Variants in BCL2 observed in about 807,000 individuals in gnomAD.
BCL2 encodes the protein apoptosis regulator Bcl-2.
BCL2 carries 1 observed loss-of-function variant against 14.2 expected under a neutral mutation model. That is an observed-to-expected ratio of 0.07 (90% confidence interval 0.02 to 0.33). The LOEUF (loss-of-function observed/expected upper bound fraction) is 0.33, where lower values mean the gene tolerates loss of function less well. BCL2 is among the 10% of genes least tolerant of loss of function. The probability of loss-of-function intolerance (pLI) is 0.99; values close to 1 mark genes in which losing one functional copy is unlikely to be tolerated. For missense variants in BCL2, 247 were observed against 305.9 expected (o/e 0.81, Z 1.44); for synonymous variants, 151 against 137.2 (o/e 1.10, Z -0.70).
rs1913953383 is a variant in BCL2 at position 63,127,934 on chromosome 18, A to G, written c.*691T>C. The G allele has an allele frequency of 4.4e-6, 1 of 225,542 alleles. No individual in the cohort carries two copies. The highest frequency in any genetic ancestry group is 2.2e-5 in the African/African-American group (1 of 44,952). 14.0% of individuals were successfully genotyped at this position (225,542 alleles called of 1,614,324 possible). On this transcript the variant is annotated 3_prime_UTR_variant, in exon 3 of 3. Transcript: ENST00000333681. Reference sequence around the variant, plus strand: ...AAATACTTTCCTATGATTTAAGGGCATTTTTCCCATCGCTGTCCTTCGGCG... The same window carrying G: ...AAATACTTTCCTATGATTTAAGGGCGTTTTTCCCATCGCTGTCCTTCGGCG...
At chr18:63,189,190 A>T (rs987572762) in intron 2 of BCL2, among the ~76,000 whole-genome samples, 5 of 15,592 alleles carry the variant, frequency 3.2e-4, no homozygotes, top group African/African-American at 3.6e-4. Flanking sequence ...AACAGCATAT[A>T]AAAAAAAAAA....
intron 2 of BCL2, among the ~76,000 whole-genome samples, chr18:63,290,065 C>CA (rs1912602044): frequency 6.6e-6 from 1 of 152,106 alleles, no homozygotes; most frequent in Non-Finnish European, 1.5e-5. Flanking sequence ...ATGCTGGGCT[C>CA]AAAAACCTGA....
chr18:63,268,383 G>C (rs534459269), intron 2 of BCL2, among the ~76,000 whole-genome samples: 1 of 152,328 alleles, frequency 6.6e-6, no homozygotes, highest in Admixed American at 6.5e-5. Context: ...TACAAAAAAA[G>C]TGTGTTTAGG....
chr18:63,214,063 CAAGAA>C (rs775614004), intron 2 of BCL2, among the ~76,000 whole-genome samples: 85 of 152,236 alleles, frequency 5.6e-4, no homozygotes, highest in South Asian at 1.2e-3. Context: ...GCTTGCTGGC[CAAGAA>C]ATGCAATCTC....
chr18:63,256,893 T>C (rs1911493204), intron 2 of BCL2, among the ~76,000 whole-genome samples: 4 of 151,978 alleles, frequency 2.6e-5, no homozygotes, highest in Non-Finnish European at 5.9e-5. Flanking sequence ...CTAAACAAGG[T>C]TGATCTAGGA....
intron 2 of BCL2, among the ~76,000 whole-genome samples, chr18:63,155,176 C>T (rs1914744256): frequency 2.0e-5 from 3 of 152,126 alleles, no homozygotes; most frequent in African/African-American, 7.2e-5. Flanking sequence ...TGGTGGAGGT[C>T]GGCACAGGGC....
chr18:63,259,942 T>G (rs1460334550), intron 2 of BCL2, among the ~76,000 whole-genome samples: 1 of 152,232 alleles, frequency 6.6e-6, no homozygotes, highest in Admixed American at 6.5e-5. Context: ...TTTCTAATTG[T>G]CTCAGTTACC....
intron 2 of BCL2, among the ~76,000 whole-genome samples, chr18:63,273,467 T>C (rs1198738563): frequency 2.0e-5 from 3 of 152,164 alleles, no homozygotes; most frequent in Non-Finnish European, 4.4e-5. Context: ...ACTTACCAGC[T>C]GGGGTGGTGA....
At chr18:63,135,518 T>C (rs545297917) in intron 2 of BCL2, among the ~76,000 whole-genome samples, 1 of 152,338 alleles carries the variant, frequency 6.6e-6, no homozygotes, top group South Asian at 2.1e-4. Context: ...TCCTCACCTT[T>C]TGGCAGTGAA....
intron 2 of BCL2, among the ~76,000 whole-genome samples, chr18:63,168,864 C>T (rs773470401): frequency 2.0e-5 from 3 of 152,144 alleles, no homozygotes; most frequent in Admixed American, 6.5e-5. Context: ...TTGCACTTTC[C>T]CTATTGGAAT....
chr18:63,308,403 A>T (rs1043764551), intron 2 of BCL2, among the ~76,000 whole-genome samples: 2 of 152,166 alleles, frequency 1.3e-5, no homozygotes, highest in Admixed American at 6.5e-5. Flanking sequence ...TGCTTTCTAT[A>T]ATGATGGGGT....
intron 2 of BCL2, among the ~76,000 whole-genome samples, chr18:63,185,079 C>T (rs1218206257): frequency 6.6e-6 from 1 of 152,174 alleles, no homozygotes; most frequent in African/African-American, 2.4e-5. Flanking sequence ...GAAAGGCTAA[C>T]CAGAGGGAGT....
intron 2 of BCL2, among the ~76,000 whole-genome samples, chr18:63,281,860 A>G (rs1912330865): frequency 6.6e-6 from 1 of 152,208 alleles, no homozygotes; most frequent in South Asian, 2.1e-4. Context: ...AGAAGCCAAC[A>G]TGTCCACCTT....
intron 2 of BCL2, among the ~76,000 whole-genome samples, chr18:63,213,775 T>C (rs1910119683): frequency 6.6e-6 from 1 of 152,154 alleles, no homozygotes; most frequent in South Asian, 2.1e-4. Context: ...GGCCCTTTGC[T>C]TGGTGAGACC....
chr18:63,241,347 T>C (rs889455421), intron 2 of BCL2, among the ~76,000 whole-genome samples: 3 of 152,248 alleles, frequency 2.0e-5, no homozygotes, highest in African/African-American at 4.8e-5. Context: ...AAAGCACATA[T>C]GGAAATTAGC....
At chr18:63,294,717 A>G (rs1344697470) in intron 2 of BCL2, among the ~76,000 whole-genome samples, 1 of 152,146 alleles carries the variant, frequency 6.6e-6, no homozygotes, top group Non-Finnish European at 1.5e-5. Flanking sequence ...TCATTCATCC[A>G]TGGTCCAAAA....
intron 2 of BCL2, among the ~76,000 whole-genome samples, chr18:63,217,901 GTCC>G (rs1461895334): frequency 6.6e-6 from 1 of 152,186 alleles, no homozygotes; most frequent in Non-Finnish European, 1.5e-5. Flanking sequence ...CAATAGGTTA[GTCC>G]TATGGGTTCC....
chr18:63,258,680 G>A lies in BCL2; in HGVS notation c.585+59402C>T, dbSNP rs113205830. On this transcript the variant is annotated intron_variant, in intron 2 of 2. Coordinates refer to ENST00000333681, the MANE Select transcript of BCL2 (RefSeq NM_000633.3). Reference sequence around the variant, plus strand: ...CCCCAGATCCCTATACACGGTCTCCGGCTTCAGGGGGAGCAGAGCCGAGTT... The same window carrying A: ...CCCCAGATCCCTATACACGGTCTCCAGCTTCAGGGGGAGCAGAGCCGAGTT... Among the ~76,000 whole-genome samples, 8 of 152,332 alleles carry A rather than the reference G, an allele frequency of 5.3e-5. No homozygotes were observed. The East Asian group carries it at 5.8e-4, about 11-fold the overall frequency.
intron 2 of BCL2, among the ~76,000 whole-genome samples, chr18:63,285,927 C>T (rs1252583463): frequency 6.6e-6 from 1 of 152,236 alleles, no homozygotes; most frequent in Non-Finnish European, 1.5e-5. Context: ...ATAGCAACGT[C>T]CAGTTTCCCA....
Sources: gnomAD v4.1 joint callset for allele counts (sites outside exome capture counted in the v4.1 genomes callset) on GRCh38, gnomAD v4.1.1 for gene constraint, MANE v1.5 for transcripts, NCBI Gene and HGNC (gene_info 2026-07-23, HGNC 2026-07-21) for gene names.